The following GYG2 variants were observed in gnomAD, a reference collection of about 807,000 sequenced individuals.
GYG2 encodes glycogenin-2.
GYG2 carries 29 observed loss-of-function variants against 29.4 expected under a neutral mutation model. The ratio of observed to expected loss-of-function variants is 0.99; its 90% CI spans 0.74 to 1.35. GYG2 has a LOEUF of 1.35. GYG2 is among the 40% of genes most tolerant of loss of function. The pLI is 0.00. For synonymous variants in GYG2, 167 were observed against 172.3 expected, an observed-to-expected ratio of 0.97 and a Z score of 0.24; for missense variants, 370 against 385.7, an observed-to-expected ratio of 0.96 and a Z score of 0.34.
chrX:2,838,944 A>C (rs181065302), intron 2 of GYG2, among the ~76,000 whole-genome samples: 1 of 111,963 alleles, frequency 8.9e-6, no homozygotes, highest in African/African-American at 3.2e-5. Context: ...CTATTCCATG[A>C]AATGTCTGGT....
intron 6 of GYG2, among the ~76,000 whole-genome samples, chrX:2,857,292 A>G (rs1199199904): frequency 9.4e-6 from 1 of 106,465 alleles, no homozygotes; most frequent in Non-Finnish European, 1.9e-5. Context: ...TAAACATCTT[A>G]TCTATCTATC....
chrX:2,867,034 T>C (rs191284752), intron 8 of GYG2, among the ~76,000 whole-genome samples: 16 of 110,136 alleles, frequency 1.5e-4, no homozygotes, highest in Admixed American at 1.1e-3. Context: ...CAGGAGGAGA[T>C]GAAGATCACC....
Position 2,856,572 on chromosome X carries a change from A to C in GYG2, c.562A>C (p.Ile188Leu), listed in dbSNP as rs747354958. The change falls in exon 6 of 11, where the codon ATC becomes CTC. Residue 188 changes from isoleucine to leucine, a missense_variant. Transcript: ENST00000398806. ...AGACATCCACAAGCACCTGCCGTTC[A>C]TCTATAACTTGAGTAGTAACACGAT... ...TTDIHKHLPF[I>L]YNLSSNTMYT... 3.3e-6 allele frequency: 4 copies of C among 1,201,665 alleles called. No homozygotes were observed. Among genetic ancestry groups the C allele is most frequent in the Non-Finnish European group, 4.5e-6 (4 of 888,524 alleles).
At chrX:2,833,542 T>G (rs1048799826) in intron 2 of GYG2, among the ~76,000 whole-genome samples, 1 of 111,733 alleles carries the variant, frequency 8.9e-6, no homozygotes, top group East Asian at 2.8e-4. Flanking sequence ...GTCACTGAGA[T>G]CCTCATGAAG....
At chrX:2,856,737 C>CTATGTATCT (rs755581334) in intron 6 of GYG2, 113 bp downstream of exon 6, 1 of 415,804 alleles carries the variant, frequency 2.4e-6, no homozygotes, top group African/African-American at 3.1e-5. Context: ...ATCTATCTAT[C>CTATGTATCT]ATCTATCTAT....
intron 9 of GYG2, among the ~76,000 whole-genome samples, chrX:2,876,213 T>G (rs1267391489): frequency 1.8e-5 from 2 of 110,253 alleles, no homozygotes; most frequent in African/African-American, 6.6e-5. Flanking sequence ...CTTAAAAAAA[T>G]TAATAAGAAA....
In GYG2 at chrX:2,841,656, C is replaced by G. The variant is rs1818145; in HGVS notation, c.8-1557C>G. On this transcript the variant is annotated intron_variant, in intron 2 of 10. Transcript: ENST00000398806. ...ATTTACCCCATTGGAATGTAAAGGT[C>G]AAGGAGGCAGCCCTGTACCACACGT... Among the ~76,000 whole-genome samples, 633 of 111,771 alleles carry G rather than the reference C, an allele frequency of 5.7e-3. 7 individuals carry two copies. Among genetic ancestry groups the G allele is most frequent in the African/African-American group, 0.019 (574 of 30,792 alleles).
intron 2 of GYG2, among the ~76,000 whole-genome samples, chrX:2,841,554 A>C (rs781284892): frequency 8.9e-6 from 1 of 111,753 alleles, no homozygotes; most frequent in South Asian, 3.8e-4. Flanking sequence ...TGGAGATGTC[A>C]GGAATTCTCG....
At chrX:2,878,789 A>G (rs1464330978) in intron 10 of GYG2, among the ~76,000 whole-genome samples, 1 of 112,353 alleles carries the variant, frequency 8.9e-6, no homozygotes, top group Non-Finnish European at 1.9e-5. Flanking sequence ...TTTATTTAGT[A>G]TCTTGTATAA....
intron 2 of GYG2, among the ~76,000 whole-genome samples, chrX:2,834,964 C>T (rs761469415): frequency 9.0e-6 from 1 of 111,405 alleles, no homozygotes; most frequent in East Asian, 2.8e-4. Flanking sequence ...CAGGAGGTCC[C>T]GACAACATGG....
At chrX:2,862,871 A>G (rs1446629222) in intron 8 of GYG2, among the ~76,000 whole-genome samples, 1 of 108,207 alleles carries the variant, frequency 9.2e-6, no homozygotes, top group East Asian at 3.0e-4. Flanking sequence ...CCAGCCGGCA[A>G]CACACTGAGA....
chrX:2,881,382 T>A lies in GYG2; in HGVS notation c.*169T>A, dbSNP rs2088718065. On this transcript the variant is annotated 3_prime_UTR_variant, in exon 11 of 11. Coordinates refer to ENST00000398806, the MANE Select transcript of GYG2 (RefSeq NM_001079855.2). ...ACACAAAAAACGTAGAGTATAGAAA[T>A]CCACCTTAAAGCCCCTCGCCCCAAC... is the stretch of plus-strand genomic sequence containing the variant. 2.4e-6 allele frequency: 1 copy of A among 420,200 alleles called. No homozygotes were observed. Among genetic ancestry groups the A allele is most frequent in the Non-Finnish European group, 3.9e-6 (1 of 256,664 alleles). The allele number at this position is 420,200 out of a possible 1,213,427, so 34.6% of individuals were successfully genotyped here.
chrX:2,863,178 C>T (rs191594789), intron 8 of GYG2, among the ~76,000 whole-genome samples: 5 of 109,277 alleles, frequency 4.6e-5, no homozygotes, highest in African/African-American at 1.7e-4. Flanking sequence ...GGGTTCACGC[C>T]GTTCTCCTGC....
chrX:2,859,758 A>T, intron 6 of GYG2, 85 bp from the exon 7 acceptor site: 1 of 554,542 alleles, frequency 1.8e-6, no homozygotes, highest in Non-Finnish European at 3.0e-6. Context: ...GCTGTCTTTG[A>T]GGAGCCCCAT....
chrX:2,848,810 A>G (rs757246457), intron 3 of GYG2, among the ~76,000 whole-genome samples: 1 of 111,799 alleles, frequency 8.9e-6, no homozygotes, highest in Non-Finnish European at 1.9e-5. Context: ...CTCAAGAGGA[A>G]CTTTAAAATA....
intron 5 of GYG2, 64 bp from the exon 6 acceptor site, chrX:2,856,434 C>T (rs980787577): frequency 1.4e-5 from 15 of 1,084,708 alleles, no homozygotes; most frequent in Non-Finnish European, 1.9e-5. Context: ...AGGCACATCT[C>T]GCATTCTTGG....
Position 2,830,021 on chromosome X carries a change from G to T in GYG2, c.-128-40G>T, listed in dbSNP as rs934594236. 79 of 472,688 alleles carry T rather than the reference G, an allele frequency of 1.7e-4. 1 individual carries two copies. In the Admixed American group the frequency reaches 2.6e-3, roughly 16 times the overall value. 39.0% of individuals were successfully genotyped at this position (472,688 alleles called of 1,213,427 possible). On this transcript the variant is annotated intron_variant, in intron 1 of 10. Coordinates refer to ENST00000398806, the MANE Select transcript of GYG2 (RefSeq NM_001079855.2). Reference sequence around the variant, plus strand: ...GCCGGGGGTGACACTGGCGGGGCCTGCAGCCGAGGGTGTCGAGACTGCCAC... The same window carrying T: ...GCCGGGGGTGACACTGGCGGGGCCTTCAGCCGAGGGTGTCGAGACTGCCAC...
At chrX:2,841,057 A>G (rs1284321963) in intron 2 of GYG2, among the ~76,000 whole-genome samples, 12 of 110,640 alleles carry the variant, frequency 1.1e-4, no homozygotes, top group Non-Finnish European at 1.7e-4. Flanking sequence ...TAGATCGATT[A>G]TAGTAAGATA....
At chrX:2,838,586 T>C (rs1468313319) in intron 2 of GYG2, among the ~76,000 whole-genome samples, 2 of 109,619 alleles carry the variant, frequency 1.8e-5, no homozygotes, top group African/African-American at 6.6e-5. Context: ...TTTGAAAACT[T>C]TTCTTCTCTC....
Sources: gnomAD v4.1 joint callset for allele counts (sites outside exome capture counted in the v4.1 genomes callset) on GRCh38, gnomAD v4.1.1 for gene constraint, MANE v1.5 for transcripts, NCBI Gene and HGNC (gene_info 2026-07-23, HGNC 2026-07-21) for gene names.